FREM2: variants seen among roughly 807,000 people sequenced by gnomAD.
The protein encoded by FREM2 is FRAS1 related extracellular matrix 2.
Under a neutral mutation model 219.9 loss-of-function variants are expected in FREM2, and 119 were observed. That is an observed-to-expected ratio of 0.54 (90% confidence interval 0.47 to 0.63). The LOEUF is 0.63. Ranked by LOEUF, FREM2 falls within the 30% of genes least tolerant of loss-of-function variation. The pLI, the probability that FREM2 is intolerant of heterozygous loss-of-function variation, is 0.00. For synonymous variants in FREM2, 1,562 were observed against 1,522.8 expected (o/e 1.03, Z -0.60); for missense variants, 4,030 against 3,993.6 (o/e 1.01, Z -0.25).
chr13:38,753,503 C>T (rs1036265389), intron 2 of FREM2, among the ~76,000 whole-genome samples: 6 of 152,118 alleles, frequency 3.9e-5, no homozygotes, highest in African/African-American at 1.2e-4. Flanking sequence ...GCTTGGCATC[C>T]GTTTATATTA....
intron 6 of FREM2, among the ~76,000 whole-genome samples, chr13:38,806,685 T>C (rs960801682): frequency 1.3e-5 from 2 of 151,954 alleles, no homozygotes; most frequent in African/African-American, 4.8e-5. Flanking sequence ...TGTTGATGGC[T>C]GCTTATGGAT....
intron 2 of FREM2, among the ~76,000 whole-genome samples, chr13:38,760,386 G>T (rs1873180869): frequency 6.6e-6 from 1 of 152,154 alleles, no homozygotes; most frequent in Non-Finnish European, 1.5e-5. Context: ...CGTCCTTTCA[G>T]AACATAGGCA....
intron 6 of FREM2, among the ~76,000 whole-genome samples, chr13:38,796,017 T>G (rs1244723853): frequency 6.6e-6 from 1 of 152,126 alleles, no homozygotes. Context: ...TTTCTTTCTT[T>G]TTTTGTCGAA....
At chr13:38,788,906 C>T (rs1023073516) in intron 6 of FREM2, among the ~76,000 whole-genome samples, 2 of 151,968 alleles carry the variant, frequency 1.3e-5, no homozygotes, top group Admixed American at 6.6e-5. Context: ...ATTTATTGAA[C>T]GTATTACATA....
At chr13:38,793,969 G>A (rs1874667805) in intron 6 of FREM2, among the ~76,000 whole-genome samples, 1 of 117,302 alleles carries the variant, frequency 8.5e-6, no homozygotes, top group South Asian at 2.7e-4. Context: ...ATTTATTTAA[G>A]GCATGCTAGT....
chr13:38,769,823 C>T lies in FREM2; in HGVS notation c.5641+15C>T. On this transcript the variant is annotated intron_variant, in intron 4 of 23. Transcript: ENST00000280481. ...TCCAGGAGATGGTAAGAGCCATCGT[C>T]AACTGGTTTATGTTGTTGCTGTTGG... 1 of 1,592,106 alleles carries T rather than the reference C, an allele frequency of 6.3e-7. No individual in the cohort carries two copies. The highest frequency in any genetic ancestry group is 1.1e-5 in the South Asian group (1 of 90,624).
At chr13:38,731,274 A>G (rs1871758126) in intron 2 of FREM2, among the ~76,000 whole-genome samples, 1 of 152,204 alleles carries the variant, frequency 6.6e-6, no homozygotes, top group African/African-American at 2.4e-5. Flanking sequence ...CAATCAAGAA[A>G]ATTAAAATGA....
Position 38,881,014 on chromosome 13 carries a change from C to T in FREM2, c.*227C>T. The T allele has an allele frequency of 1.7e-6, 1 of 605,026 alleles. No homozygotes were observed. The highest frequency in any genetic ancestry group is 3.0e-6 in the Non-Finnish European group (1 of 336,108). The allele number at this position is 605,026 out of a possible 1,614,324, so 37.5% of individuals were successfully genotyped here. On this transcript the variant is annotated 3_prime_UTR_variant, in exon 24 of 24. Coordinates refer to ENST00000280481, the MANE Select transcript of FREM2 (RefSeq NM_207361.6). ...TTGCCCCAAAGGCAGCAACAACGTA[C>T]TCATATGTACACAGAGCCATGATGT... is the stretch of plus-strand genomic sequence containing the variant.
intron 1 of FREM2, among the ~76,000 whole-genome samples, chr13:38,696,610 A>C (rs1046038138): frequency 1.3e-5 from 2 of 152,222 alleles, no homozygotes; most frequent in African/African-American, 4.8e-5. Flanking sequence ...TGAGTATCAC[A>C]GAACAAAACG....
chr13:38,689,321 G>C lies in FREM2; in HGVS notation c.1977G>C (p.Gly659=). 6.2e-7 allele frequency: 1 copy of C among 1,614,026 alleles called. No homozygotes were observed. Among genetic ancestry groups the C allele is most frequent in the Non-Finnish European group, 8.5e-7 (1 of 1,179,998 alleles). ...GCAGGCTGTTCTATAGACACTCTGGGCCCCATAGTCCTGGGCCAGTCACAG... is the reference window on the plus strand; with the variant it reads ...GCAGGCTGTTCTATAGACACTCTGGCCCCCATAGTCCTGGGCCAGTCACAG... ...TEGRLFYRHS[G]PHSPGPVTDQ... The change falls in exon 1 of 24, where the codon GGG becomes GGC. Residue 659 remains glycine, a synonymous_variant. Transcript: ENST00000280481.
chr13:38,710,650 C>T (rs1870731849), intron 2 of FREM2, among the ~76,000 whole-genome samples: 1 of 152,184 alleles, frequency 6.6e-6, no homozygotes, highest in Non-Finnish European at 1.5e-5. Context: ...GCTGAGTTGC[C>T]TTAGTCACCA....
intron 4 of FREM2, among the ~76,000 whole-genome samples, chr13:38,782,790 C>G (rs1168662573): frequency 6.6e-6 from 1 of 152,176 alleles, no homozygotes; most frequent in Non-Finnish European, 1.5e-5. Flanking sequence ...TTTATAAAAA[C>G]TGTGTCAGCA....
intron 2 of FREM2, among the ~76,000 whole-genome samples, chr13:38,743,425 A>G (rs1318384937): frequency 6.6e-6 from 1 of 152,088 alleles, no homozygotes; most frequent in Admixed American, 6.6e-5. Context: ...GGCCCCCAGC[A>G]GATTTCAAAA....
intron 16 of FREM2, among the ~76,000 whole-genome samples, chr13:38,872,479 A>G (rs1878192367): frequency 1.3e-5 from 2 of 152,032 alleles, no homozygotes; most frequent in South Asian, 4.1e-4. Flanking sequence ...AGGATTTTGT[A>G]AGTATAGTAT....
At chr13:38,858,222 G>A (rs1356805843) in intron 13 of FREM2, among the ~76,000 whole-genome samples, 189 bp downstream of exon 13, 1 of 152,068 alleles carries the variant, frequency 6.6e-6, no homozygotes, top group Non-Finnish European at 1.5e-5. Flanking sequence ...ACCGAACAAA[G>A]GTTCATTAAC....
intron 2 of FREM2, among the ~76,000 whole-genome samples, 162 bp downstream of exon 2, chr13:38,697,949 C>A (rs957664038): frequency 1.3e-5 from 2 of 152,232 alleles, no homozygotes; most frequent in Non-Finnish European, 2.9e-5. Context: ...CACTATGACA[C>A]AATCCTACTA....
intron 6 of FREM2, among the ~76,000 whole-genome samples, chr13:38,808,647 A>G (rs994329092): frequency 6.6e-6 from 1 of 151,922 alleles, no homozygotes; most frequent in African/African-American, 2.4e-5. Flanking sequence ...CAAATGCATC[A>G]TTTATCAATT....
chr13:38,837,765 GTTTT>G (rs151057502), intron 6 of FREM2, among the ~76,000 whole-genome samples: 1 of 140,448 alleles, frequency 7.1e-6, no homozygotes, highest in South Asian at 2.4e-4. Flanking sequence ...GCAACCCCTG[GTTTT>G]TTTTTGTTTT....
In FREM2 at chr13:38,783,210, C is replaced by T. The variant is rs201418362; in HGVS notation, c.5767+15C>T. 5.5e-5 allele frequency: 88 copies of T among 1,613,590 alleles called. No homozygotes were observed. The East Asian group carries it at 1.5e-3, about 28-fold the overall frequency. ...TACCCAACAAGGTAGCTCGATTTGC[C>T]GAAAAACTAAGATAACCCCCAAAAG... On this transcript the variant is annotated intron_variant, in intron 5 of 23. Transcript: ENST00000280481.
Sources: allele counts gnomAD v4.1 joint callset (sites outside exome capture counted in the v4.1 genomes callset), GRCh38; gene constraint gnomAD v4.1.1; transcripts MANE v1.5; gene names NCBI Gene and HGNC (gene_info 2026-07-23, HGNC 2026-07-21).